The following TANC1 variants were observed in gnomAD, a reference collection of about 807,000 sequenced individuals.
The protein encoded by TANC1 is protein TANC1.
Under a neutral mutation model 149.7 loss-of-function variants are expected in TANC1, and 77 were observed. The observed-to-expected ratio is 0.51, with a 90% CI of 0.43 to 0.62. The LOEUF (loss-of-function observed/expected upper bound fraction) is 0.62. TANC1 is among the 20% of genes least tolerant of loss of function. TANC1 has a pLI of 0.00. For synonymous variants in TANC1, 854 were observed against 925.0 expected, an observed-to-expected ratio of 0.92 and a Z score of 1.39; for missense variants, 1,985 against 2,321.8, an observed-to-expected ratio of 0.85 and a Z score of 2.98.
At chr2:159,205,770 T>C (rs1410261412) in intron 19 of TANC1, among the ~76,000 whole-genome samples, 1 of 152,224 alleles carries the variant, frequency 6.6e-6, no homozygotes, top group Non-Finnish European at 1.5e-5. Flanking sequence ...TCTCAGGAAG[T>C]ATCCACCTCA....
intron 13 of TANC1, among the ~76,000 whole-genome samples, chr2:159,177,503 A>G (rs532897447): frequency 6.6e-6 from 1 of 152,276 alleles, no homozygotes; most frequent in Admixed American, 6.5e-5. Flanking sequence ...GTTGAACTTG[A>G]TGCGTGTTTT....
At chr2:159,061,616 C>G (rs1434552312) in intron 2 of TANC1, among the ~76,000 whole-genome samples, 2 of 152,220 alleles carry the variant, frequency 1.3e-5, no homozygotes, top group Non-Finnish European at 2.9e-5. Context: ...ATCCTCATTT[C>G]TGAAGGCTCT....
chr2:159,228,140 C>T (rs1350932636), intron 25 of TANC1, 175 bp downstream of exon 25: 23 of 680,466 alleles, frequency 3.4e-5, no homozygotes, highest in Non-Finnish European at 4.6e-5. Context: ...CGTTTGGTCA[C>T]GGCTGCTACG....
intron 4 of TANC1, among the ~76,000 whole-genome samples, chr2:159,117,884 G>A (rs549638834): frequency 1.3e-5 from 2 of 151,670 alleles, no homozygotes; most frequent in Non-Finnish European, 2.9e-5. Context: ...GTGCTGGGCT[G>A]GTGTTTTGCA....
At chr2:159,220,477 T>C (rs1486361210) in intron 22 of TANC1, among the ~76,000 whole-genome samples, 1 of 151,874 alleles carries the variant, frequency 6.6e-6, no homozygotes, top group Non-Finnish European at 1.5e-5. Flanking sequence ...CTAATTTTTG[T>C]ATTTTTAGTA....
intron 18 of TANC1, among the ~76,000 whole-genome samples, chr2:159,197,630 G>T (rs10193699): frequency 9.5e-6 from 1 of 104,876 alleles, no homozygotes; most frequent in African/African-American, 2.7e-5. Flanking sequence ...CACACACACA[G>T]AGAGATACTG....
chr2:159,099,556 T>C (rs1045768995), intron 4 of TANC1, among the ~76,000 whole-genome samples: 8 of 151,896 alleles, frequency 5.3e-5, no homozygotes, highest in African/African-American at 1.9e-4. Context: ...ACTGTAGTCA[T>C]GCTCCTGAAC....
Position 159,001,017 on chromosome 2 carries a change from A to G in TANC1, c.-125-63A>G, listed in dbSNP as rs1178336170. The stretch of plus-strand genomic sequence containing the variant: ...GTGAAGTAATTGCTCAGGGTCATGG[A>G]GTTAATAAATGGTGGAGCGGAGCTT... On this transcript the variant is annotated intron_variant, in intron 1 of 26. Transcript: ENST00000263635. The surrounding 1 kb of genome is among the most constrained non-coding windows in gnomAD (Gnocchi z 4.3). The G allele has an allele frequency of 6.6e-6, 1 of 152,248 alleles. No individual in the cohort carries two copies. The highest frequency in any genetic ancestry group is 1.5e-5 in the Non-Finnish European group (1 of 68,116). The allele number at this position is 152,248 out of a possible 1,614,324, so 9.4% of individuals were successfully genotyped here.
At position 159,192,014 on chromosome 2, in the gene TANC1, T is replaced by C. The variant is rs2057481912; in HGVS notation, c.2743-2243T>C. Among the ~76,000 whole-genome samples, 11 of 152,106 alleles carry C rather than the reference T, an allele frequency of 7.2e-5. No homozygotes were observed. The South Asian group carries it at 2.3e-3, about 32-fold the overall frequency. ...GGAGCATCATTTGTATCTAATGATC[T>C]GAAGATCTGAAAAAAAAAATATTAT... On this transcript the variant is annotated intron_variant, in intron 16 of 26. Transcript: ENST00000263635.
At chr2:159,097,973 T>C in intron 4 of TANC1, 139 bp downstream of exon 4, 1 of 696,134 alleles carries the variant, frequency 1.4e-6, no homozygotes, top group Non-Finnish European at 2.3e-6. Context: ...AATAAATCTT[T>C]TTTTTTTTTT....
Position 159,231,246 on chromosome 2 carries a change from C to A in TANC1, c.*234C>A, listed in dbSNP as rs907127674. ...ATTATATCAACTTAAAATTTTAAGACAGCCCAGAAGACATTAATGACTCTC... is the reference window on the plus strand; with the variant it reads ...ATTATATCAACTTAAAATTTTAAGAAAGCCCAGAAGACATTAATGACTCTC... On this transcript the variant is annotated 3_prime_UTR_variant, in exon 27 of 27. Transcript: ENST00000263635. The A allele has an allele frequency of 6.7e-6, 3 of 446,736 alleles. No homozygotes were observed. The highest frequency in any genetic ancestry group is 5.9e-5 in the African/African-American group (3 of 50,714). The allele number at this position is 446,736 out of a possible 1,614,324, so 27.7% of individuals were successfully genotyped here. A position where few individuals can be genotyped will look rare whatever the true frequency, so the allele number is the denominator to read the frequency against.
In TANC1 at chr2:159,178,727, G is replaced by C. The variant is rs764725273; in HGVS notation, c.2074G>C (p.Val692Leu). The C allele has an allele frequency of 6.2e-7, 1 of 1,614,152 alleles. No homozygotes were observed. The highest frequency in any genetic ancestry group is 8.5e-7 in the Non-Finnish European group (1 of 1,180,022). The change falls in exon 14 of 27, where the codon GTG becomes CTG. Residue 692 changes from valine to leucine, a missense_variant. By Grantham distance (32) the Val-to-Leu change is conservative (BLOSUM62 1). Around this residue, in one of 3 missense-constraint regions of TANC1, gnomAD observed 508 missense variants for 714.2 expected, o/e 0.71. Coordinates refer to ENST00000263635, the MANE Select transcript of TANC1 (RefSeq NM_033394.3). ...GGCCGATGCCACACTCATTGGAAAA[G>C]TGAGCAGCCACCTGGTGCTGCGGAG... ...GKADATLIGK[V>L]SSHLVLRSLG...
At chr2:159,142,259 GT>G (rs2051458425) in intron 5 of TANC1, among the ~76,000 whole-genome samples, 3 of 152,230 alleles carry the variant, frequency 2.0e-5, no homozygotes, top group Admixed American at 1.3e-4. Context: ...GGTTTGTGAT[GT>G]CAAAACTCTT....
intron 2 of TANC1, among the ~76,000 whole-genome samples, chr2:159,014,399 A>T (rs975070320): frequency 6.6e-6 from 1 of 152,188 alleles, no homozygotes; most frequent in South Asian, 2.1e-4. Context: ...TGATTCAGTT[A>T]TCTCCCACTG....
intron 1 of TANC1, among the ~76,000 whole-genome samples, chr2:158,986,925 GA>G (rs2035064566): frequency 6.6e-6 from 1 of 151,942 alleles, no homozygotes; most frequent in Non-Finnish European, 1.5e-5. Context: ...GCTTGATTCT[GA>G]GTACTTTTCT....
At chr2:159,094,988 C>T (rs1028832918) in intron 3 of TANC1, among the ~76,000 whole-genome samples, 81 of 152,022 alleles carry the variant, frequency 5.3e-4, no homozygotes, top group African/African-American at 1.9e-3. Flanking sequence ...CACTGTTGCC[C>T]GAGCTAGAGT....
At chr2:159,068,121 G>C (rs527946427) in intron 3 of TANC1, among the ~76,000 whole-genome samples, 1 of 152,280 alleles carries the variant, frequency 6.6e-6, no homozygotes, top group East Asian at 1.9e-4. Context: ...TATTAGGCTA[G>C]CAACAAAGCA....
chr2:159,081,753 G>A (rs1165502557), intron 3 of TANC1, among the ~76,000 whole-genome samples: 14 of 152,162 alleles, frequency 9.2e-5, no homozygotes, highest in African/African-American at 3.1e-4. Flanking sequence ...TTGGAGGGGC[G>A]GGGCAGAAAC....
intron 21 of TANC1, 125 bp downstream of exon 21, chr2:159,219,486 T>A: frequency 7.1e-7 from 1 of 1,406,826 alleles, no homozygotes; most frequent in Non-Finnish European, 9.9e-7. Context: ...TAATAAACAG[T>A]AGAGAGAATA....
Sources: gnomAD v4.1 joint callset for allele counts (sites outside exome capture counted in the v4.1 genomes callset) on GRCh38, gnomAD v4.1.1 for gene constraint, gnomAD v4.1.1 regional missense constraint, Gnocchi (gnomAD v3.1) non-coding constraint, MANE v1.5 for transcripts, NCBI Gene and HGNC (gene_info 2026-07-23, HGNC 2026-07-21) for gene names.